GUCY1A2: variants seen among roughly 807,000 people sequenced by gnomAD.
The protein encoded by GUCY1A2 is guanylate cyclase soluble subunit alpha-2.
In GUCY1A2, 27 loss-of-function variants were observed where a neutral mutation model predicts 63.5. The observed-to-expected ratio is 0.43, with a 90% confidence interval of 0.31 to 0.59. GUCY1A2 has a LOEUF of 0.59. Ranked by LOEUF, GUCY1A2 falls within the 20% of genes least tolerant of loss-of-function variation. The pLI is 0.11. For missense variants in GUCY1A2, 768 were observed against 913.3 expected, an observed-to-expected ratio of 0.84 and a Z score of 2.05; for synonymous variants, 364 against 343.5, an observed-to-expected ratio of 1.06 and a Z score of -0.66.
chr11:106,786,171 T>A (rs1440194830), intron 5 of GUCY1A2, among the ~76,000 whole-genome samples: 1 of 152,136 alleles, frequency 6.6e-6, no homozygotes, highest in Non-Finnish European at 1.5e-5. Flanking sequence ...ACATAATGAT[T>A]TAGCAATTCA....
chr11:106,728,909 CAG>C (rs1226564609), intron 6 of GUCY1A2, among the ~76,000 whole-genome samples: 1 of 152,116 alleles, frequency 6.6e-6, no homozygotes, highest in African/African-American at 2.4e-5. Flanking sequence ...ATAAGAATGA[CAG>C]TGTGACAATG....
intron 4 of GUCY1A2, among the ~76,000 whole-genome samples, chr11:106,898,310 C>T (rs190129384): frequency 3.0e-4 from 45 of 152,324 alleles, no homozygotes; most frequent in African/African-American, 8.7e-4. Context: ...GCTAAACATA[C>T]TCTTACCATA....
At chr11:106,894,350 C>T (rs1280247744) in intron 4 of GUCY1A2, among the ~76,000 whole-genome samples, 1 of 152,180 alleles carries the variant, frequency 6.6e-6, no homozygotes, top group Non-Finnish European at 1.5e-5. Context: ...TCCACTATTA[C>T]AGCTGGAGAC....
intron 4 of GUCY1A2, among the ~76,000 whole-genome samples, chr11:106,933,157 T>C (rs1860627060): frequency 6.6e-6 from 1 of 151,698 alleles, no homozygotes; most frequent in African/African-American, 2.4e-5. Context: ...GCAAAGTAAA[T>C]GAACAGAGTA....
intron 4 of GUCY1A2, among the ~76,000 whole-genome samples, chr11:106,861,638 G>A (rs911292396): frequency 2.0e-5 from 3 of 151,972 alleles, no homozygotes; most frequent in African/African-American, 7.2e-5. Context: ...AGGCAGAGAT[G>A]TGTATAAAAG....
intron 4 of GUCY1A2, among the ~76,000 whole-genome samples, chr11:106,861,751 T>A (rs1300849390): frequency 6.6e-6 from 1 of 152,024 alleles, no homozygotes; most frequent in East Asian, 1.9e-4. Context: ...AAAAATGAAA[T>A]GCTCAAAATC....
intron 7 of GUCY1A2, among the ~76,000 whole-genome samples, chr11:106,707,534 AAAGT>A (rs1252286949): frequency 1.3e-5 from 2 of 152,146 alleles, no homozygotes; most frequent in Non-Finnish European, 2.9e-5. Context: ...AAAGTGTGAT[AAAGT>A]AAGACATTTT....
intron 3 of GUCY1A2, among the ~76,000 whole-genome samples, chr11:106,976,034 T>G (rs979963736): frequency 6.6e-6 from 1 of 152,222 alleles, no homozygotes; most frequent in Non-Finnish European, 1.5e-5. Flanking sequence ...TCATATCTTG[T>G]GATCTATGAC....
At chr11:106,891,987 T>C (rs909784699) in intron 4 of GUCY1A2, among the ~76,000 whole-genome samples, 20 of 152,086 alleles carry the variant, frequency 1.3e-4, no homozygotes, top group African/African-American at 4.6e-4. Context: ...GGTAGAGAAA[T>C]AGCATCTCAA....
Position 106,939,643 on chromosome 11 carries a change from C to G in GUCY1A2, c.1023G>C (p.Gln341His). ...LMFDPSMSVL[Q>H]LGEGLRKQLR... is the part of the protein sequence containing the mutation. ...GCTGCTTCCTTAGACCTTCCCCCAA[C>G]TGAAGGACTGACATGCTGGGATCAA... The change falls in exon 4 of 8, where the codon CAG (glutamine) becomes CAC (histidine). Residue 341 changes from glutamine to histidine, a missense_variant. Transcript: ENST00000526355. The G allele has an allele frequency of 6.2e-7, 1 of 1,613,950 alleles. No individual in the cohort carries two copies. Among genetic ancestry groups the G allele is most frequent in the Non-Finnish European group, 8.5e-7 (1 of 1,179,868 alleles).
At chr11:106,914,635 G>A (rs868231769) in intron 4 of GUCY1A2, among the ~76,000 whole-genome samples, 1 of 150,870 alleles carries the variant, frequency 6.6e-6, no homozygotes, top group African/African-American at 2.4e-5. Flanking sequence ...TAATTACAAG[G>A]AAAATTAAAT....
intron 6 of GUCY1A2, among the ~76,000 whole-genome samples, chr11:106,729,313 T>C (rs74505201): frequency 0.026 from 3,985 of 152,256 alleles, 159 homozygotes; most frequent in East Asian, 0.13. Context: ...TCACTTCAGA[T>C]TGAGGATCTT....
chr11:106,877,615 A>G (rs1859767736), intron 4 of GUCY1A2, among the ~76,000 whole-genome samples: 1 of 152,146 alleles, frequency 6.6e-6, no homozygotes, highest in Admixed American at 6.6e-5. Flanking sequence ...CACCACATAC[A>G]AAAATTAACT....
At chr11:106,696,032 G>C (rs1417817088) in intron 7 of GUCY1A2, among the ~76,000 whole-genome samples, 2 of 152,040 alleles carry the variant, frequency 1.3e-5, no homozygotes, top group Admixed American at 6.6e-5. Context: ...GGTACTGATG[G>C]CAAAGTGTGC....
chr11:106,996,778 A>C (rs1861545083), intron 1 of GUCY1A2, among the ~76,000 whole-genome samples: 1 of 152,160 alleles, frequency 6.6e-6, no homozygotes, highest in Admixed American at 6.6e-5. Flanking sequence ...TCAACATACT[A>C]CTCAGGGTGG....
intron 1 of GUCY1A2, among the ~76,000 whole-genome samples, chr11:106,986,414 T>C (rs1861401875): frequency 6.6e-6 from 1 of 152,142 alleles, no homozygotes. Context: ...AAAATACACA[T>C]TGGCTGCCTA....
intron 1 of GUCY1A2, among the ~76,000 whole-genome samples, chr11:107,005,986 G>T (rs1257158596): frequency 1.3e-5 from 2 of 152,128 alleles, no homozygotes; most frequent in Non-Finnish European, 2.9e-5. Flanking sequence ...TTAGCTAAAG[G>T]CACCAAAATC....
At chr11:107,003,464 TTC>T (rs1291989377) in intron 1 of GUCY1A2, among the ~76,000 whole-genome samples, 1 of 152,178 alleles carries the variant, frequency 6.6e-6, no homozygotes, top group East Asian at 1.9e-4. Context: ...TCTTATTTTT[TTC>T]TCTCTCAGAG....
chr11:106,908,632 T>G (rs539227903), intron 4 of GUCY1A2, among the ~76,000 whole-genome samples: 2 of 152,144 alleles, frequency 1.3e-5, no homozygotes, highest in East Asian at 3.9e-4. Flanking sequence ...CATTACTCAA[T>G]TATCCTATTT....
Sources: gnomAD v4.1 joint callset for allele counts (sites outside exome capture counted in the v4.1 genomes callset) on GRCh38, gnomAD v4.1.1 for gene constraint, MANE v1.5 for transcripts, NCBI Gene and HGNC (gene_info 2026-07-23, HGNC 2026-07-21) for gene names.